The following CNTN4 variants were observed in gnomAD, a reference collection of about 807,000 sequenced individuals.
The protein encoded by CNTN4 is contactin-4.
Under a neutral mutation model 122.5 loss-of-function variants are expected in CNTN4, and 77 were observed. The ratio of observed to expected loss-of-function variants is 0.63; its 90% CI spans 0.52 to 0.76. The LOEUF (loss-of-function observed/expected upper bound fraction) is 0.76, where lower values mean the gene tolerates loss of function less well. Among genes scored for constraint, CNTN4 ranks in the 30% least tolerant of loss-of-function variants. The pLI, the probability that CNTN4 is intolerant of heterozygous loss-of-function variation, is 0.00. For missense variants in CNTN4, 1,256 were observed against 1,259.1 expected, an observed-to-expected ratio of 1.00 and a Z score of 0.04; for synonymous variants, 512 against 447.0, an observed-to-expected ratio of 1.15 and a Z score of -1.83.
chr3:2,572,053 T>C (rs1243597047), intron 4 of CNTN4, among the ~76,000 whole-genome samples: 1 of 152,192 alleles, frequency 6.6e-6, no homozygotes, highest in Non-Finnish European at 1.5e-5. Context: ...AGGAGGTTTT[T>C]ACCATATACT....
intron 3 of CNTN4, among the ~76,000 whole-genome samples, chr3:2,524,856 T>C (rs961059691): frequency 5.3e-5 from 8 of 151,998 alleles, no homozygotes; most frequent in African/African-American, 1.7e-4. Flanking sequence ...GTTAACACAA[T>C]AGGAAAAAAA....
intron 6 of CNTN4, among the ~76,000 whole-genome samples, chr3:2,797,199 C>T (rs913286055): frequency 1.3e-5 from 2 of 152,074 alleles, no homozygotes; most frequent in African/African-American, 4.8e-5. Context: ...TGGGGTCTCA[C>T]TATGTTGTCC....
intron 2 of CNTN4, among the ~76,000 whole-genome samples, chr3:2,261,168 A>G (rs1191221655): frequency 2.6e-5 from 4 of 152,054 alleles, no homozygotes; most frequent in Admixed American, 2.6e-4. Flanking sequence ...TTTTTTTCCC[A>G]CGTAGTTTAT....
intron 3 of CNTN4, among the ~76,000 whole-genome samples, chr3:2,361,628 C>T (rs952071334): frequency 1.3e-5 from 2 of 152,244 alleles, no homozygotes; most frequent in South Asian, 2.1e-4. Flanking sequence ...GGAATAAGAG[C>T]TGAGTTATTA....
chr3:2,961,005 T>C (rs906875417), intron 13 of CNTN4, among the ~76,000 whole-genome samples: 52 of 139,492 alleles, frequency 3.7e-4, no homozygotes, highest in South Asian at 7.2e-4. Context: ...CCGAGGCGGG[T>C]GGATCACGAG....
intron 6 of CNTN4, among the ~76,000 whole-genome samples, chr3:2,751,865 T>C (rs1438262029): frequency 2.0e-5 from 3 of 152,172 alleles, no homozygotes; most frequent in African/African-American, 7.2e-5. Flanking sequence ...CTTAGGAATG[T>C]GGGCTTGAGA....
intron 6 of CNTN4, among the ~76,000 whole-genome samples, chr3:2,803,546 C>T (rs932478527): frequency 1.2e-4 from 18 of 149,908 alleles, no homozygotes; most frequent in Non-Finnish European, 1.6e-4. Flanking sequence ...ACTATATTAA[C>T]TGTGGTAAAT....
intron 4 of CNTN4, among the ~76,000 whole-genome samples, chr3:2,581,962 G>A (rs2079960550): frequency 6.6e-6 from 1 of 152,184 alleles, no homozygotes; most frequent in Admixed American, 6.5e-5. Flanking sequence ...GGGACAGAAA[G>A]TAGAATAGTA....
At chr3:2,518,234 T>TGTGC (rs1388728628) in intron 3 of CNTN4, among the ~76,000 whole-genome samples, 3 of 152,114 alleles carry the variant, frequency 2.0e-5, no homozygotes, top group Non-Finnish European at 2.9e-5. Flanking sequence ...TGTGTGTGTG[T>TGTGC]GCACACACGC....
intron 4 of CNTN4, among the ~76,000 whole-genome samples, chr3:2,715,349 A>G (rs987829011): frequency 8.5e-5 from 13 of 152,228 alleles, no homozygotes; most frequent in Non-Finnish European, 1.6e-4. Context: ...TAATTTGGAA[A>G]TTTCTTCATA....
intron 23 of CNTN4, among the ~76,000 whole-genome samples, chr3:3,046,843 G>C (rs575919586): frequency 7.0e-6 from 1 of 143,270 alleles, no homozygotes; most frequent in African/African-American, 2.6e-5. Flanking sequence ...AAATTGGATA[G>C]AGTCAAGACC....
chr3:2,451,359 C>A (rs2048823045), intron 3 of CNTN4, among the ~76,000 whole-genome samples: 2 of 151,234 alleles, frequency 1.3e-5, no homozygotes, highest in Admixed American at 1.3e-4. Context: ...GCATCACCAG[C>A]AAGCTTCATA....
chr3:2,518,938 A>C (rs1380431224), intron 3 of CNTN4, among the ~76,000 whole-genome samples: 1 of 152,172 alleles, frequency 6.6e-6, no homozygotes, highest in Non-Finnish European at 1.5e-5. Context: ...AAGTGCTTCT[A>C]TATTAGGTTG....
chr3:2,521,351 A>ACCCCCC (rs770856406), intron 3 of CNTN4, among the ~76,000 whole-genome samples: 14 of 115,198 alleles, frequency 1.2e-4, no homozygotes, highest in African/African-American at 4.4e-4. Flanking sequence ...CATCCCCCCC[A>ACCCCCC]CCCCCCGCAA....
intron 14 of CNTN4, among the ~76,000 whole-genome samples, chr3:3,003,843 G>A (rs991737099): frequency 2.0e-5 from 3 of 152,036 alleles, no homozygotes; most frequent in African/African-American, 4.8e-5. Context: ...TTGACCTCCT[G>A]GGCACAAGCA....
At chr3:2,419,955 C>T (rs779418936) in intron 3 of CNTN4, among the ~76,000 whole-genome samples, 10 of 152,020 alleles carry the variant, frequency 6.6e-5, no homozygotes, top group South Asian at 6.2e-4. Flanking sequence ...AGTTACAGAT[C>T]GAATTGTCCC....
At chr3:2,677,449 T>TAGAG (rs150006729) in intron 4 of CNTN4, among the ~76,000 whole-genome samples, 5,308 of 55,982 alleles carry the variant, frequency 0.095, 178 homozygotes, top group East Asian at 0.18. Flanking sequence ...TACATAGATA[T>TAGAG]AGAGATCTAT....
chr3:2,169,711 C>G (rs961787794), intron 2 of CNTN4, among the ~76,000 whole-genome samples: 3 of 152,046 alleles, frequency 2.0e-5, no homozygotes, highest in African/African-American at 7.2e-5. Context: ...AACTTTAAAG[C>G]TATTATGAAA....
At chr3:3,036,681 T>A (rs985746177) in intron 17 of CNTN4, among the ~76,000 whole-genome samples, 14 of 150,788 alleles carry the variant, frequency 9.3e-5, no homozygotes, top group African/African-American at 3.2e-4. Flanking sequence ...GCACAAGAAT[T>A]GCATGAGTCT....
Sources: allele counts gnomAD v4.1 joint callset (sites outside exome capture counted in the v4.1 genomes callset), GRCh38; gene constraint gnomAD v4.1.1; transcripts MANE v1.5; gene names NCBI Gene and HGNC (gene_info 2026-07-23, HGNC 2026-07-21).